Variants in LRRN2 observed in about 807,000 individuals in gnomAD.
The protein encoded by LRRN2 is leucine-rich repeat neuronal protein 2.
LRRN2 carries 10 observed loss-of-function variants against 35.7 expected under a neutral mutation model. The observed-to-expected ratio is 0.28, with a 90% CI of 0.17 to 0.47. LRRN2 has a LOEUF of 0.47. Among genes scored for constraint, LRRN2 ranks in the 20% least tolerant of loss-of-function variants. The pLI is 0.99. For synonymous variants in LRRN2, 391 were observed against 409.6 expected, an observed-to-expected ratio of 0.95 and a Z score of 0.55; for missense variants, 731 against 940.3, an observed-to-expected ratio of 0.78 and a Z score of 2.91.
At position 204,618,379 on chromosome 1, in the gene LRRN2, G is replaced by T; in HGVS notation, c.1614C>A (p.Pro538=). ...TGACCCAAGATAGCAGGATGTGATA[G>T]GGGTGGGTCTCCTGCACCCGGAGCT... ...GLELRVQETH[P]YHILLSWVTP... The change falls in exon 2 of 2, where the codon CCC becomes CCA. Residue 538 remains proline, a synonymous_variant. Coordinates refer to ENST00000367177, the MANE Select transcript of LRRN2 (RefSeq NM_201630.2). 1 of 1,609,258 alleles carries T rather than the reference G, an allele frequency of 6.2e-7. No individual in the cohort carries two copies. The highest frequency in any genetic ancestry group is 8.5e-7 in the Non-Finnish European group (1 of 1,176,990).
chr1:204,684,697 C>T (rs972839537), intron 1 of LRRN2, among the ~76,000 whole-genome samples: 5 of 152,126 alleles, frequency 3.3e-5, no homozygotes, highest in Non-Finnish European at 5.9e-5. Context: ...CAGGCTGAGC[C>T]CCAGGCCGGC....
chr1:204,653,876 A>AAAC (rs397946770), intron 1 of LRRN2, among the ~76,000 whole-genome samples: 1,897 of 150,448 alleles, frequency 0.013, 45 homozygotes, highest in South Asian at 0.034. Context: ...AAAAAAAAAA[A>AAAC]GAAAAACTAT....
chr1:204,672,631 AG>A (rs761940675), intron 1 of LRRN2, among the ~76,000 whole-genome samples: 3 of 152,196 alleles, frequency 2.0e-5, no homozygotes, highest in Non-Finnish European at 4.4e-5. Flanking sequence ...CTCCTGCTGC[AG>A]GCAGAAGTCC....
At chr1:204,622,692 T>A (rs1666998655) in intron 1 of LRRN2, among the ~76,000 whole-genome samples, 1 of 151,520 alleles carries the variant, frequency 6.6e-6, no homozygotes, top group Non-Finnish European at 1.5e-5. Flanking sequence ...CTCCGAGAGG[T>A]CCCTGTTGTG....
chr1:204,684,674 C>T (rs1571692384), intron 1 of LRRN2, among the ~76,000 whole-genome samples: 1 of 152,316 alleles, frequency 6.6e-6, no homozygotes, highest in African/African-American at 2.4e-5. Flanking sequence ...CCGCTTCCCC[C>T]TGACCGAGTC....
At chr1:204,634,858 A>G (rs1199262046) in intron 1 of LRRN2, among the ~76,000 whole-genome samples, 1 of 152,238 alleles carries the variant, frequency 6.6e-6, no homozygotes, top group Non-Finnish European at 1.5e-5. Flanking sequence ...AGCTTGGGCA[A>G]GATGCTTTAT....
At chr1:204,685,146 G>A (rs1669041861) in intron 1 of LRRN2, among the ~76,000 whole-genome samples, 174 bp downstream of exon 1, 1 of 152,188 alleles carries the variant, frequency 6.6e-6, no homozygotes, top group South Asian at 2.1e-4. Context: ...GCCCTCCTCT[G>A]GCCCCCACCC....
At chr1:204,637,280 C>T (rs1667858531) in intron 1 of LRRN2, among the ~76,000 whole-genome samples, 1 of 152,232 alleles carries the variant, frequency 6.6e-6, no homozygotes, top group Non-Finnish European at 1.5e-5. Context: ...TGTGAAAGAA[C>T]ATCCCTACTT....
intron 1 of LRRN2, among the ~76,000 whole-genome samples, chr1:204,641,394 TAGAG>T (rs1189563765): frequency 2.0e-5 from 3 of 152,374 alleles, no homozygotes; most frequent in Middle Eastern, 3.4e-3. Flanking sequence ...CTTTTTCTTT[TAGAG>T]AGCCTCTCTG....
intron 1 of LRRN2, among the ~76,000 whole-genome samples, chr1:204,650,866 G>T (rs1571661975): frequency 6.6e-6 from 1 of 152,130 alleles, no homozygotes; most frequent in South Asian, 2.1e-4. Flanking sequence ...GAGTGGTAGG[G>T]GCTCGGAAGG....
intron 1 of LRRN2, among the ~76,000 whole-genome samples, chr1:204,671,642 T>TTA (rs1668714734): frequency 3.3e-5 from 1 of 30,230 alleles, no homozygotes; most frequent in African/African-American, 1.4e-4. Flanking sequence ...TAATTGATGG[T>TTA]AAAAAAAAAA....
intron 1 of LRRN2, among the ~76,000 whole-genome samples, chr1:204,665,370 C>T (rs550437419): frequency 1.3e-5 from 2 of 152,190 alleles, no homozygotes; most frequent in African/African-American, 4.8e-5. Context: ...AACTCCTGGG[C>T]TCTAAGTGAT....
At chr1:204,657,583 G>C (rs941937742) in intron 1 of LRRN2, among the ~76,000 whole-genome samples, 1 of 152,078 alleles carries the variant, frequency 6.6e-6, no homozygotes, top group Non-Finnish European at 1.5e-5. Context: ...GGGGGAAGGG[G>C]AGAATGAGGA....
At chr1:204,685,228 G>C (rs1160341993) in intron 1 of LRRN2, 92 bp downstream of exon 1, 2 of 152,490 alleles carry the variant, frequency 1.3e-5, no homozygotes, top group African/African-American at 4.8e-5. Flanking sequence ...CGCTCCCGCC[G>C]CGTACGCCTC....
chr1:204,670,998 T>A (rs1014226125), intron 1 of LRRN2, among the ~76,000 whole-genome samples: 3 of 152,118 alleles, frequency 2.0e-5, no homozygotes, highest in Non-Finnish European at 4.4e-5. Context: ...GTTGAAGACA[T>A]GAGAAACTTG....
At chr1:204,628,597 A>T (rs1667575693) in intron 1 of LRRN2, 1 of 152,190 alleles carries the variant, frequency 6.6e-6, no homozygotes, top group African/African-American at 2.4e-5. Context: ...GGCCAGCCTG[A>T]TGCTGGCCTA....
chr1:204,641,117 C>A (rs1211958304), intron 1 of LRRN2, among the ~76,000 whole-genome samples: 2 of 151,986 alleles, frequency 1.3e-5, no homozygotes, highest in Admixed American at 1.3e-4. Flanking sequence ...ATTGCAAAAA[C>A]CACAATCTTG....
intron 1 of LRRN2, among the ~76,000 whole-genome samples, chr1:204,634,271 G>A (rs1045171072): frequency 3.9e-5 from 6 of 152,236 alleles, no homozygotes; most frequent in African/African-American, 1.4e-4. Flanking sequence ...AATTGCAGGG[G>A]AGGGGAGCAC....
At chr1:204,667,810 C>T (rs771456026) in intron 1 of LRRN2, among the ~76,000 whole-genome samples, 2 of 152,124 alleles carry the variant, frequency 1.3e-5, no homozygotes, top group African/African-American at 4.8e-5. Context: ...TGTGAAGCCA[C>T]GTGAGATGGC....
Sources: gnomAD v4.1 joint callset for allele counts (sites outside exome capture counted in the v4.1 genomes callset) on GRCh38, gnomAD v4.1.1 for gene constraint, MANE v1.5 for transcripts, NCBI Gene and HGNC (gene_info 2026-07-23, HGNC 2026-07-21) for gene names.